Variants in ADAMTSL1 observed in about 807,000 individuals in gnomAD.
ADAMTSL1 encodes ADAMTS-like protein 1.
ADAMTSL1 carries 126 observed loss-of-function variants against 201.8 expected under a neutral mutation model. The ratio of observed to expected loss-of-function variants is 0.62; its 90% CI spans 0.54 to 0.72. ADAMTSL1 has a LOEUF of 0.72. Among genes scored for constraint, ADAMTSL1 ranks in the 30% least tolerant of loss-of-function variants. The pLI is 0.00. For missense variants in ADAMTSL1, 2,679 were observed against 2,277.8 expected (o/e 1.18, Z -3.59); for synonymous variants, 1,121 against 903.4 (o/e 1.24, Z -4.32).
intron 2 of ADAMTSL1, among the ~76,000 whole-genome samples, chr9:18,292,725 A>G (rs1833323151): frequency 1.3e-5 from 2 of 152,104 alleles, no homozygotes. Context: ...TTGGACTTAA[A>G]CCAATGGTTT....
At chr9:18,112,353 T>C (rs1218412619) in intron 1 of ADAMTSL1, among the ~76,000 whole-genome samples, 1 of 152,104 alleles carries the variant, frequency 6.6e-6, no homozygotes, top group Admixed American at 6.6e-5. Context: ...ATAGGTATAG[T>C]GTGCTTCAGC....
At chr9:18,527,718 A>G (rs1422975079) in intron 2 of ADAMTSL1, among the ~76,000 whole-genome samples, 2 of 152,308 alleles carry the variant, frequency 1.3e-5, no homozygotes, top group East Asian at 1.9e-4. Flanking sequence ...TCTTAAGTGA[A>G]TTAAAGACTG....
intron 2 of ADAMTSL1, among the ~76,000 whole-genome samples, chr9:18,197,840 C>G (rs1383326079): frequency 5.9e-5 from 9 of 152,036 alleles, no homozygotes; most frequent in African/African-American, 1.9e-4. Flanking sequence ...AGGCATCACA[C>G]TACCTGACTT....
At chr9:18,479,092 G>C (rs952368862) in intron 1 of ADAMTSL1, among the ~76,000 whole-genome samples, 1 of 152,184 alleles carries the variant, frequency 6.6e-6, no homozygotes, top group Non-Finnish European at 1.5e-5. Flanking sequence ...GGGGTAAGCT[G>C]TTGCTATCAA....
chr9:17,953,641 CAT>C (rs1563916993), intron 1 of ADAMTSL1, among the ~76,000 whole-genome samples: 1 of 152,014 alleles, frequency 6.6e-6, no homozygotes, highest in African/African-American at 2.4e-5. Flanking sequence ...GATTTAGAAA[CAT>C]ATAACATTAA....
At chr9:18,416,274 A>G (rs931845996) in intron 2 of ADAMTSL1, among the ~76,000 whole-genome samples, 3 of 152,046 alleles carry the variant, frequency 2.0e-5, no homozygotes, top group Non-Finnish European at 2.9e-5. Flanking sequence ...ATATCACTTG[A>G]AAACGGACTA....
intron 3 of ADAMTSL1, among the ~76,000 whole-genome samples, chr9:18,563,192 T>G (rs191207268): frequency 6.6e-6 from 1 of 152,316 alleles, no homozygotes; most frequent in Non-Finnish European, 1.5e-5. Flanking sequence ...TGAATGGGTT[T>G]TGTTGTGGAC....
intron 19 of ADAMTSL1, chr9:18,793,176 C>G (rs904885231): frequency 1.3e-5 from 2 of 152,182 alleles, no homozygotes; most frequent in Admixed American, 1.3e-4. Context: ...TATTTCCTTC[C>G]CCATTTTACT....
chr9:18,172,937 G>A (rs1254139206), intron 2 of ADAMTSL1, among the ~76,000 whole-genome samples: 1 of 152,082 alleles, frequency 6.6e-6, no homozygotes. Flanking sequence ...AGACAGAGGT[G>A]CGAAAAATAT....
intron 1 of ADAMTSL1, among the ~76,000 whole-genome samples, chr9:17,915,111 G>C (rs1826045033): frequency 6.6e-6 from 1 of 152,040 alleles, no homozygotes; most frequent in Non-Finnish European, 1.5e-5. Context: ...GATAAGTTTT[G>C]ACATATGCAT....
intron 1 of ADAMTSL1, among the ~76,000 whole-genome samples, chr9:17,962,997 G>C (rs1817821712): frequency 6.6e-6 from 1 of 152,234 alleles, no homozygotes; most frequent in African/African-American, 2.4e-5. Context: ...AGGATTCCCT[G>C]TGACCTTCGG....
At chr9:18,497,024 G>A (rs567115445) in intron 1 of ADAMTSL1, among the ~76,000 whole-genome samples, 1 of 152,272 alleles carries the variant, frequency 6.6e-6, no homozygotes, top group Admixed American at 6.5e-5. Context: ...GAAGCCCTAG[G>A]GGGTGATTCT....
At chr9:18,600,631 T>C (rs1399610727) in intron 4 of ADAMTSL1, among the ~76,000 whole-genome samples, 1 of 152,148 alleles carries the variant, frequency 6.6e-6, no homozygotes, top group Non-Finnish European at 1.5e-5. Context: ...CTCCTTCTGC[T>C]TTCATCTCAT....
intron 2 of ADAMTSL1, among the ~76,000 whole-genome samples, chr9:18,367,960 C>A (rs568746934): frequency 6.6e-6 from 1 of 151,932 alleles, no homozygotes; most frequent in South Asian, 2.1e-4. Flanking sequence ...AGTGCAGTGG[C>A]GCGATCTCGG....
intron 23 of ADAMTSL1, among the ~76,000 whole-genome samples, chr9:18,856,538 A>G (rs1826864450): frequency 7.4e-6 from 1 of 135,670 alleles, no homozygotes; most frequent in Non-Finnish European, 1.5e-5. Flanking sequence ...GTCTCAGCTC[A>G]CTGCAACCTC....
At chr9:18,017,675 A>G (rs1216189344) in intron 1 of ADAMTSL1, among the ~76,000 whole-genome samples, 1 of 152,046 alleles carries the variant, frequency 6.6e-6, no homozygotes, top group African/African-American at 2.4e-5. Context: ...CTAATAGGTC[A>G]CATGATTTTT....
At chr9:18,572,118 C>T (rs1822351830) in intron 3 of ADAMTSL1, among the ~76,000 whole-genome samples, 1 of 151,730 alleles carries the variant, frequency 6.6e-6, no homozygotes, top group Admixed American at 6.6e-5. Context: ...CTGCTTGAAC[C>T]CAGGAGGCGG....
chr9:18,502,718 G>A (rs556028273), intron 1 of ADAMTSL1, among the ~76,000 whole-genome samples: 7 of 152,122 alleles, frequency 4.6e-5, no homozygotes, highest in Non-Finnish European at 1.0e-4. Context: ...ACATAAAACT[G>A]CTAGCAGATT....
chr9:18,079,814 C>T (rs1319721541), intron 1 of ADAMTSL1, among the ~76,000 whole-genome samples: 2 of 152,006 alleles, frequency 1.3e-5, no homozygotes, highest in Non-Finnish European at 2.9e-5. Flanking sequence ...TCTGGCAAGT[C>T]TTACAGGCAC....
Sources: allele counts gnomAD v4.1 joint callset (sites outside exome capture counted in the v4.1 genomes callset), GRCh38; gene constraint gnomAD v4.1.1; transcripts MANE v1.5; gene names NCBI Gene and HGNC (gene_info 2026-07-23, HGNC 2026-07-21).